The following ZNF385D variants were observed in gnomAD, a reference collection of about 807,000 sequenced individuals.
ZNF385D encodes zinc finger protein 385D, also known as zinc finger protein 659.
In ZNF385D, 15 loss-of-function variants were observed where a neutral mutation model predicts 35.8. That is an observed-to-expected ratio of 0.42 (90% confidence interval 0.28 to 0.64). ZNF385D has a LOEUF of 0.64. Ranked by LOEUF, ZNF385D falls within the 30% of genes least tolerant of loss-of-function variation. The pLI, the probability that ZNF385D is intolerant of heterozygous loss-of-function variation, is 0.23. For missense variants in ZNF385D, 474 were observed against 494.6 expected, an observed-to-expected ratio of 0.96 and a Z score of 0.39; for synonymous variants, 212 against 186.8, an observed-to-expected ratio of 1.13 and a Z score of -1.10.
chr3:21,735,093 A>T (rs1388017248), intron 1 of ZNF385D, among the ~76,000 whole-genome samples: 1 of 152,164 alleles, frequency 6.6e-6, no homozygotes, highest in African/African-American at 2.4e-5. Context: ...GAGTGCAGAG[A>T]TCTACCCACA....
intron 1 of ZNF385D, among the ~76,000 whole-genome samples, chr3:21,736,854 T>C (rs899845930): frequency 6.6e-6 from 1 of 152,220 alleles, no homozygotes; most frequent in Non-Finnish European, 1.5e-5. Context: ...TAGAAATATA[T>C]GTAGAAATTC....
In ZNF385D at chr3:21,934,170, C is replaced by G. The variant is rs1701151275; in HGVS notation, c.325+234647G>C. On this transcript the variant is annotated intron_variant, in intron 3 of 5. Coordinates refer to the ZNF385D transcript ENST00000494108. Reference sequence around the variant, plus strand: ...ATACATTTTCTTTAGTTCTGAGAAGCAAATATTACCAGTTCTGTTGAATCT... The same window carrying G: ...ATACATTTTCTTTAGTTCTGAGAAGGAAATATTACCAGTTCTGTTGAATCT... Among the ~76,000 whole-genome samples, 4 of 152,106 alleles carry G rather than the reference C, an allele frequency of 2.6e-5. No individual in the cohort carries two copies. The South Asian group carries it at 6.2e-4, about 24-fold the overall frequency.
intron 3 of ZNF385D, among the ~76,000 whole-genome samples, chr3:21,900,209 G>A (rs1239306251): frequency 6.6e-6 from 1 of 152,150 alleles, no homozygotes; most frequent in Admixed American, 6.6e-5. Context: ...GGGAAACATT[G>A]AATGTTGGCA....
chr3:21,533,631 T>C (rs1314608231), intron 3 of ZNF385D, among the ~76,000 whole-genome samples: 1 of 152,092 alleles, frequency 6.6e-6, no homozygotes, highest in Non-Finnish European at 1.5e-5. Context: ...CAAGCCTGCA[T>C]TTATTACACA....
chr3:22,025,445 T>C (rs578113690), intron 3 of ZNF385D, among the ~76,000 whole-genome samples: 1 of 152,188 alleles, frequency 6.6e-6, no homozygotes, highest in African/African-American at 2.4e-5. Context: ...AGTTCTCTAA[T>C]CTATATAAAC....
intron 2 of ZNF385D, among the ~76,000 whole-genome samples, chr3:22,238,439 A>G (rs1466213640): frequency 6.6e-5 from 10 of 150,992 alleles, no homozygotes; most frequent in Non-Finnish European, 1.2e-4. Flanking sequence ...TTTTCAGTCT[A>G]CAAATATGAA....
chr3:22,078,495 C>G (rs1452141909), intron 3 of ZNF385D, among the ~76,000 whole-genome samples: 13 of 151,988 alleles, frequency 8.6e-5, no homozygotes, highest in Admixed American at 8.5e-4. Flanking sequence ...GGTATTGAGA[C>G]ATTAAGTCTC....
In ZNF385D at chr3:22,050,914, C is replaced by G. The variant is rs992343533; in HGVS notation, c.325+117903G>C. ...ACATTTGCTGAGGAGAGCTTTACTT[C>G]CAACTATGTGGTCAATTTTGGAATA... is the stretch of plus-strand genomic sequence containing the variant. On this transcript the variant is annotated intron_variant, in intron 3 of 5. Coordinates refer to the ZNF385D transcript ENST00000494108. 1.3e-3 allele frequency among the ~76,000 whole-genome samples: 34 copies of G among 25,296 alleles called. 10 individuals are homozygous for G. Among genetic ancestry groups the G allele is most frequent in the Admixed American group, 3.8e-3 (8 of 2,086 alleles). 16.6% of individuals were successfully genotyped at this position (25,296 alleles called of 152,430 possible).
intron 3 of ZNF385D, among the ~76,000 whole-genome samples, chr3:22,166,953 T>C (rs1706373845): frequency 6.6e-6 from 1 of 152,230 alleles, no homozygotes; most frequent in South Asian, 2.1e-4. Context: ...ACCTAGAAGT[T>C]AACAATAAGG....
chr3:21,784,648 T>G (rs2071616667), intron 3 of ZNF385D, among the ~76,000 whole-genome samples: 1 of 150,178 alleles, frequency 6.7e-6, no homozygotes, highest in Admixed American at 6.7e-5. Flanking sequence ...ATTAATTAAT[T>G]AATGTATTTT....
In ZNF385D at chr3:22,254,597, A is replaced by G. The variant is rs1034146374; in HGVS notation, c.107-85562T>C. Among the ~76,000 whole-genome samples the G allele has an allele frequency of 2.0e-5, 3 of 151,840 alleles. No individual in the cohort carries two copies. In the East Asian group the frequency reaches 5.8e-4, roughly 29 times the overall value. On this transcript the variant is annotated intron_variant, in intron 2 of 5. Coordinates refer to the ZNF385D transcript ENST00000494108. ...ATCTATATTCCAAGGCCCTCAGTGG[A>G]TACCTGAAACCTCAGAAAGTACTGA...
intron 2 of ZNF385D, among the ~76,000 whole-genome samples, chr3:22,193,383 T>TA (rs1696191258): frequency 6.7e-6 from 1 of 148,770 alleles, no homozygotes; most frequent in East Asian, 1.9e-4. Context: ...TTGAAATAGA[T>TA]CAAAAAAATT....
intron 1 of ZNF385D, among the ~76,000 whole-genome samples, chr3:21,730,574 T>C (rs1471444664): frequency 6.6e-6 from 1 of 152,202 alleles, no homozygotes; most frequent in African/African-American, 2.4e-5. Flanking sequence ...ATGCTAACGA[T>C]AGAGCAGTGA....
chr3:22,213,688 T>C (rs1228233948), intron 2 of ZNF385D, among the ~76,000 whole-genome samples: 1 of 152,032 alleles, frequency 6.6e-6, no homozygotes, highest in Non-Finnish European at 1.5e-5. Flanking sequence ...ATTAAGTCAC[T>C]ATAACTCCAA....
chr3:21,970,881 A>G (rs562568326), intron 3 of ZNF385D, among the ~76,000 whole-genome samples: 5 of 152,236 alleles, frequency 3.3e-5, no homozygotes, highest in South Asian at 2.1e-4. Context: ...TTCCAGTGAA[A>G]ACTTTACAGG....
rs192130626 is a variant in ZNF385D, at chr3:21,722,055, G to A, written c.22+28840C>T. Among the ~76,000 whole-genome samples, 107 of 149,052 alleles carry A rather than the reference G, an allele frequency of 7.2e-4. 2 individuals are homozygous for A. The East Asian group carries it at 0.021, about 29-fold the overall frequency. On this transcript the variant is annotated intron_variant, in intron 1 of 7. Transcript: ENST00000281523. The stretch of plus-strand genomic sequence containing the variant: ...GCGGAGGCTGCAGTGAGCCAAGATC[G>A]TGCCACTGCACTCCAACTTTGGAGA...
chr3:21,964,889 G>C (rs1295151372), intron 3 of ZNF385D, among the ~76,000 whole-genome samples: 4 of 152,150 alleles, frequency 2.6e-5, no homozygotes, highest in African/African-American at 9.7e-5. Flanking sequence ...CAAATGATAT[G>C]AGACTGTGAA....
intron 3 of ZNF385D, among the ~76,000 whole-genome samples, chr3:22,010,921 C>T (rs1432645010): frequency 6.6e-6 from 1 of 152,074 alleles, no homozygotes; most frequent in Non-Finnish European, 1.5e-5. Flanking sequence ...CCACCACTCA[C>T]CCTCATTGAA....
At chr3:22,331,208 T>C (rs1469563732) in intron 2 of ZNF385D, among the ~76,000 whole-genome samples, 1 of 152,196 alleles carries the variant, frequency 6.6e-6, no homozygotes, top group East Asian at 1.9e-4. Flanking sequence ...GGCCATTTAT[T>C]ATTTTTTTTA....
Sources: allele counts gnomAD v4.1 joint callset (sites outside exome capture counted in the v4.1 genomes callset), GRCh38; gene constraint gnomAD v4.1.1; transcripts MANE v1.5; gene names NCBI Gene and HGNC (gene_info 2026-07-23, HGNC 2026-07-21).